The following MCM9 variants were observed in gnomAD, a reference collection of about 807,000 sequenced individuals.
MCM9 encodes the protein minichromosome maintenance 9 homologous recombination repair factor, also known as DNA helicase MCM9.
In MCM9, 55 loss-of-function variants were observed where a neutral mutation model predicts 72.8. That is an observed-to-expected ratio of 0.76 (90% CI 0.61 to 0.95). The LOEUF (loss-of-function observed/expected upper bound fraction) is 0.95. MCM9 is among the 40% of genes least tolerant of loss of function. The pLI is 0.00. For missense variants in MCM9, 1,279 were observed against 1,377.0 expected (o/e 0.93, Z 1.13); for synonymous variants, 480 against 503.4 (o/e 0.95, Z 0.62).
chr6:118,892,207 T>TAA (rs1778992604), intron 8 of MCM9, among the ~76,000 whole-genome samples: 2 of 152,146 alleles, frequency 1.3e-5, no homozygotes, highest in Non-Finnish European at 2.9e-5. Flanking sequence ...AATACAAGAG[T>TAA]TAAGACAGGA....
At chr6:118,924,233 G>GA (rs1257550147) in intron 3 of MCM9, 106 bp from the exon 4 acceptor site, 32 of 993,646 alleles carry the variant, frequency 3.2e-5, no homozygotes, top group Non-Finnish European at 4.4e-5. Context: ...ATTTCAGGGG[G>GA]AAAAAAAAGA....
chr6:118,856,886 A>C (rs975029007), intron 8 of MCM9, among the ~76,000 whole-genome samples: 1 of 152,180 alleles, frequency 6.6e-6, no homozygotes, highest in South Asian at 2.1e-4. Context: ...GTCTTAAAAA[A>C]ACAAAAAAGG....
rs1380895703 is a variant in MCM9, at chr6:118,843,706, A to ATGTGTGTGTG, written c.1325+12664_1325+12665insCACACACACA. The stretch of plus-strand genomic sequence containing the variant: ...TATATGTGTATATATATATATATGT[A>ATGTGTGTGTG]TGTATATATATATGTATATATATAT... On this transcript the variant is annotated intron_variant, in intron 9 of 13. Transcript: ENST00000619706. Among the ~76,000 whole-genome samples the ATGTGTGTGTG allele has an allele frequency of 9.2e-3, 663 of 72,124 alleles. 26 individuals carry two copies. The highest frequency in any genetic ancestry group is 0.038 in the African/African-American group (617 of 16,228). The allele number at this position is 72,124 out of a possible 152,430, so 47.3% of individuals were successfully genotyped here.
rs1777610353 is a variant in MCM9 at position 118,871,724 on chromosome 6, G to A, written c.1151-15179C>T. ...GAGGTCAGGAGATAGACACCATTCTGGCTAACATGGTGAAACCCCGTCTCT... is the reference window on the plus strand; with the variant it reads ...GAGGTCAGGAGATAGACACCATTCTAGCTAACATGGTGAAACCCCGTCTCT... On this transcript the variant is annotated intron_variant, in intron 8 of 13. Transcript: ENST00000619706. 2.0e-5 allele frequency among the ~76,000 whole-genome samples: 3 copies of A among 151,794 alleles called. No homozygotes were observed. The South Asian group carries it at 6.2e-4, about 32-fold the overall frequency.
intron 3 of MCM9, among the ~76,000 whole-genome samples, chr6:118,930,278 T>A (rs940517888): frequency 1.3e-5 from 2 of 151,472 alleles, no homozygotes; most frequent in African/African-American, 4.8e-5. Context: ...GCCCGGCTAA[T>A]TTTTTTTGTA....
rs1022799100 is a variant in MCM9, at chr6:118,891,646, C to T, written c.1150+20004G>A. Among the ~76,000 whole-genome samples, 6 of 152,288 alleles carry T rather than the reference C, an allele frequency of 3.9e-5. No individual in the cohort carries two copies. In the East Asian group the frequency reaches 7.7e-4, roughly 20 times the overall value. The stretch of plus-strand genomic sequence containing the variant: ...TTAGATTAGGGCCCACCCCAATCAC[C>T]TCATTTAACTTAATCTCCAAATACA... On this transcript the variant is annotated intron_variant, in intron 8 of 13. Coordinates refer to ENST00000619706, the MANE Select transcript of MCM9 (RefSeq NM_017696.3).
At chr6:118,924,188 A>C in intron 3 of MCM9, 61 bp from the exon 4 acceptor site, 1 of 1,392,246 alleles carries the variant, frequency 7.2e-7, no homozygotes, top group Non-Finnish European at 9.9e-7. Context: ...TCCAAGGGAT[A>C]TATTCTTCTC....
At position 118,843,888 on chromosome 6, in the gene MCM9, A is replaced by AG. The variant is rs1428704233; in HGVS notation, c.1325+12482_1325+12483insC. ...ACAGGAGAAAGAGAAAAAGAGAAAG[A>AG]AAGCAAAAGCAGACATATTCAAGAG... On this transcript the variant is annotated intron_variant, in intron 9 of 13. Coordinates refer to ENST00000619706, the MANE Select transcript of MCM9 (RefSeq NM_017696.3). 2.3e-4 allele frequency among the ~76,000 whole-genome samples: 35 copies of AG among 151,278 alleles called. 1 individual carries two copies. Among genetic ancestry groups the AG allele is most frequent in the African/African-American group, 8.1e-4 (33 of 40,910 alleles).
intron 8 of MCM9, among the ~76,000 whole-genome samples, chr6:118,873,506 C>G (rs1016486513): frequency 6.6e-6 from 1 of 152,174 alleles, no homozygotes; most frequent in Middle Eastern, 3.2e-3. Flanking sequence ...AAACAAACAA[C>G]TCTGCCCATA....
chr6:118,816,099 A>C lies in MCM9; in HGVS notation c.2157T>G (p.His719Gln). 1.9e-6 allele frequency: 3 copies of C among 1,550,326 alleles called. No individual in the cohort carries two copies. The highest frequency in any genetic ancestry group is 2.6e-6 in the Non-Finnish European group (3 of 1,146,828). ...EGSPVLDPPP[H>Q]LEPNRSTSRK... ...TACTTGTTGATCTATTAGGCTCCAG[A>C]TGCGGTGGGGGATCTAGAACTGGGC... is the stretch of plus-strand genomic sequence containing the variant. The change falls in exon 14 of 14, where the codon CAT becomes CAG. Residue 719 changes from histidine (H) to glutamine (Q), a missense_variant. Physicochemically the swap from His to Gln is conservative, Grantham distance 24 (BLOSUM62 0). Coordinates refer to ENST00000619706, the MANE Select transcript of MCM9 (RefSeq NM_017696.3).
intron 11 of MCM9, among the ~76,000 whole-genome samples, chr6:118,827,537 C>T (rs74719391): frequency 0.022 from 3,278 of 152,158 alleles, 56 homozygotes; most frequent in African/African-American, 0.051. Flanking sequence ...GGGTGGACTG[C>T]AACTGGCAAT....
At chr6:118,843,852 A>G (rs1479315751) in intron 9 of MCM9, among the ~76,000 whole-genome samples, 1 of 151,234 alleles carries the variant, frequency 6.6e-6, no homozygotes, top group Non-Finnish European at 1.5e-5. Flanking sequence ...GCCAAACTTT[A>G]GTCACTTGAG....
intron 9 of MCM9, among the ~76,000 whole-genome samples, chr6:118,844,184 A>G (rs1247899673): frequency 6.6e-6 from 1 of 151,814 alleles, no homozygotes; most frequent in Non-Finnish European, 1.5e-5. Context: ...CATTTTCTCA[A>G]GAGTTTTGCA....
chr6:118,842,160 G>A (rs1177498384), intron 9 of MCM9, among the ~76,000 whole-genome samples: 1 of 152,060 alleles, frequency 6.6e-6, no homozygotes, highest in Non-Finnish European at 1.5e-5. Flanking sequence ...TTTTCAGGTT[G>A]TACTTCCTAT....
chr6:118,882,229 G>A (rs372841392), intron 8 of MCM9, among the ~76,000 whole-genome samples: 7 of 152,182 alleles, frequency 4.6e-5, no homozygotes, highest in Non-Finnish European at 8.8e-5. Flanking sequence ...TACCATTTCC[G>A]CCCCCTGGCT....
rs1055202759 is a variant in MCM9, at chr6:118,861,058, C to T, written c.1151-4513G>A. On this transcript the variant is annotated intron_variant, in intron 8 of 13. Coordinates refer to ENST00000619706, the MANE Select transcript of MCM9 (RefSeq NM_017696.3). ...TGCCAATGGCAAGCCAGGCATGGGACGGCCACAGGTGTGTCAGTGAATGAG... is the reference window on the plus strand; with the variant it reads ...TGCCAATGGCAAGCCAGGCATGGGATGGCCACAGGTGTGTCAGTGAATGAG... Among the ~76,000 whole-genome samples, 39 of 152,266 alleles carry T rather than the reference C, an allele frequency of 2.6e-4. 1 individual carries two copies. Among genetic ancestry groups the T allele is most frequent in the African/African-American group, 8.2e-4 (34 of 41,550 alleles).
Position 118,856,394 on chromosome 6 carries a change from T to G in MCM9, c.1302A>C (p.Gln434His). The G allele has an allele frequency of 1.3e-6, 2 of 1,535,398 alleles. No homozygotes were observed. The highest frequency in any genetic ancestry group is 2.4e-5 in the South Asian group (2 of 83,968). The change falls in exon 9 of 14, where the codon CAA (glutamine) becomes CAC (histidine). Residue 434 changes from glutamine (Q) to histidine (H), a missense_variant. Gln to His is a conservative substitution (Grantham distance 24). Coordinates refer to ENST00000619706, the MANE Select transcript of MCM9 (RefSeq NM_017696.3). ...ACCCAGCCTTAGCAACACTTATGGTTTGTTGCTCCATTGCTTCATGGATAC... is the reference window on the plus strand; with the variant it reads ...ACCCAGCCTTAGCAACACTTATGGTGTGTTGCTCCATTGCTTCATGGATAC... ...RTSIHEAMEQ[Q>H]TISVAKAGLV... is the part of the protein sequence containing the mutation.
At chr6:118,877,392 A>C (rs1414891880) in intron 8 of MCM9, among the ~76,000 whole-genome samples, 3 of 152,250 alleles carry the variant, frequency 2.0e-5, no homozygotes, top group Non-Finnish European at 4.4e-5. Flanking sequence ...TGGAGAATGG[A>C]CTTAAAATAG....
chr6:118,819,445 C>T (rs182752927), intron 13 of MCM9, among the ~76,000 whole-genome samples: 274 of 152,270 alleles, frequency 1.8e-3, no homozygotes, highest in Middle Eastern at 0.01. Context: ...TATGTTGAAC[C>T]AGCCTTGCAT....
Sources: allele counts gnomAD v4.1 joint callset (sites outside exome capture counted in the v4.1 genomes callset), GRCh38; gene constraint gnomAD v4.1.1; transcripts MANE v1.5; gene names NCBI Gene and HGNC (gene_info 2026-07-23, HGNC 2026-07-21).